Variants in SH3KBP1 observed in about 807,000 individuals in gnomAD.
SH3KBP1 encodes SH3 domain containing kinase binding protein 1.
A neutral mutation model predicts 50.1 loss-of-function variants in SH3KBP1; 8 were observed. The ratio of observed to expected loss-of-function variants is 0.16; its 90% CI spans 0.09 to 0.29. SH3KBP1 has a LOEUF of 0.29. SH3KBP1 is among the 10% of genes least tolerant of loss of function. SH3KBP1 has a pLI of 1.00. For synonymous variants in SH3KBP1, 227 were observed against 218.6 expected (o/e 1.04, Z -0.34); for missense variants, 377 against 535.2 (o/e 0.70, Z 2.92).
intron 5 of SH3KBP1, chrX:19,695,140 G>T: frequency 1.3e-6 from 1 of 751,765 alleles, no homozygotes; most frequent in Non-Finnish European, 2.0e-6. Context: ...ACTCTCAGTT[G>T]TCTTGACCTA....
intron 9 of SH3KBP1, among the ~76,000 whole-genome samples, chrX:19,604,858 C>T (rs974465218): frequency 1.8e-5 from 2 of 112,192 alleles, no homozygotes; most frequent in African/African-American, 6.5e-5. Flanking sequence ...GTTATACAAT[C>T]ACTTTTCAGC....
chrX:19,579,059 G>C (rs2066285679), intron 12 of SH3KBP1, among the ~76,000 whole-genome samples: 1 of 111,942 alleles, frequency 8.9e-6, no homozygotes, highest in South Asian at 3.8e-4. Flanking sequence ...AGGGGCACAA[G>C]AAGCAGAAAC....
At chrX:19,807,862 C>T (rs920356526) in intron 2 of SH3KBP1, among the ~76,000 whole-genome samples, 3 of 112,529 alleles carry the variant, frequency 2.7e-5, no homozygotes, top group Admixed American at 9.4e-5. Context: ...TTTTGGCATG[C>T]CTTGTAATTT....
chrX:19,596,219 C>T (rs964543333), intron 9 of SH3KBP1, among the ~76,000 whole-genome samples: 3 of 111,883 alleles, frequency 2.7e-5, no homozygotes, highest in Non-Finnish European at 3.8e-5. Flanking sequence ...AACGCAAACT[C>T]GGTTTTAGAC....
chrX:19,671,260 C>T (rs2062784896), intron 6 of SH3KBP1, among the ~76,000 whole-genome samples: 1 of 111,543 alleles, frequency 9.0e-6, no homozygotes, highest in Admixed American at 9.6e-5. Context: ...CAACAGATCA[C>T]ATGGCTAGAG....
chrX:19,586,022 T>TA (rs2066557223), intron 12 of SH3KBP1, among the ~76,000 whole-genome samples: 1 of 112,007 alleles, frequency 8.9e-6, no homozygotes, highest in African/African-American at 3.2e-5. Flanking sequence ...CACGCACTGT[T>TA]AAGAACAATT....
chrX:19,666,881 C>T (rs1479973675), intron 6 of SH3KBP1, among the ~76,000 whole-genome samples: 2 of 112,154 alleles, frequency 1.8e-5, no homozygotes, highest in African/African-American at 6.5e-5. Flanking sequence ...AGGACTCAAA[C>T]AAGTATTGGT....
chrX:19,572,176 TTATA>T (rs1602512457), intron 12 of SH3KBP1, among the ~76,000 whole-genome samples: 1 of 103,571 alleles, frequency 9.7e-6, no homozygotes, highest in Non-Finnish European at 1.9e-5. Flanking sequence ...AACTATTCTT[TTATA>T]TATATAAAGT....
chrX:19,785,174 A>T (rs1026067071), intron 2 of SH3KBP1, among the ~76,000 whole-genome samples: 1 of 110,351 alleles, frequency 9.1e-6, no homozygotes, highest in African/African-American at 3.3e-5. Flanking sequence ...ATTCAATGTA[A>T]GAGCTTTGAG....
intron 2 of SH3KBP1, among the ~76,000 whole-genome samples, chrX:19,820,206 A>G (rs2067486266): frequency 8.9e-6 from 1 of 112,326 alleles, no homozygotes; most frequent in Admixed American, 9.4e-5. Flanking sequence ...GATATTCTGT[A>G]AACATCAATT....
intron 6 of SH3KBP1, among the ~76,000 whole-genome samples, chrX:19,647,760 A>G (rs1330646468): frequency 9.0e-6 from 1 of 110,956 alleles, no homozygotes; most frequent in East Asian, 2.8e-4. Flanking sequence ...TGTCTCTAGG[A>G]CCCAGACCTA....
chrX:19,724,416 T>C (rs755432767), intron 3 of SH3KBP1, among the ~76,000 whole-genome samples: 1 of 112,642 alleles, frequency 8.9e-6, no homozygotes, highest in African/African-American at 3.2e-5. Context: ...ATATCTCTTT[T>C]TGCAAGACGA....
intron 5 of SH3KBP1, chrX:19,695,103 A>C: frequency 1.9e-6 from 2 of 1,057,250 alleles, no homozygotes; most frequent in Non-Finnish European, 1.3e-6. Flanking sequence ...AAGGACACAC[A>C]TGCTCACCAC....
At chrX:19,795,618 TCAAA>T (rs758044843) in intron 2 of SH3KBP1, among the ~76,000 whole-genome samples, 1 of 111,421 alleles carries the variant, frequency 9.0e-6, no homozygotes, top group Admixed American at 9.6e-5. Flanking sequence ...TTCTTAGATC[TCAAA>T]CAAATACCAG....
chrX:19,866,353 G>A (rs1030410246), intron 1 of SH3KBP1, among the ~76,000 whole-genome samples: 22 of 111,696 alleles, frequency 2.0e-4, no homozygotes, highest in African/African-American at 7.2e-4. Context: ...CAGGGCACGC[G>A]CTTTACAAGG....
At chrX:19,666,249 C>A (rs144401662) in intron 6 of SH3KBP1, among the ~76,000 whole-genome samples, 2 of 111,219 alleles carry the variant, frequency 1.8e-5, no homozygotes, top group East Asian at 5.6e-4. Flanking sequence ...AAGATACCAT[C>A]GCTTAGAATT....
At chrX:19,646,069 C>A (rs1188462873) in intron 6 of SH3KBP1, among the ~76,000 whole-genome samples, 1 of 111,619 alleles carries the variant, frequency 9.0e-6, no homozygotes, top group East Asian at 2.8e-4. Context: ...CTAAACAGAT[C>A]TACCTGCCTG....
At chrX:19,848,092 C>T (rs1236625592) in intron 1 of SH3KBP1, among the ~76,000 whole-genome samples, 2 of 111,985 alleles carry the variant, frequency 1.8e-5, no homozygotes, top group Non-Finnish European at 3.8e-5. Flanking sequence ...CACCAAAAGA[C>T]TCCTAAGAAT....
chrX:19,786,046 T>G (rs962567920), intron 2 of SH3KBP1, among the ~76,000 whole-genome samples: 1 of 112,100 alleles, frequency 8.9e-6, no homozygotes, highest in African/African-American at 3.2e-5. Context: ...AACCATACAC[T>G]TCAAATGACT....
Sources: allele counts gnomAD v4.1 joint callset (sites outside exome capture counted in the v4.1 genomes callset), GRCh38; gene constraint gnomAD v4.1.1; transcripts MANE v1.5; gene names NCBI Gene and HGNC (gene_info 2026-07-23, HGNC 2026-07-21).